IGSF21: variants seen among roughly 807,000 people sequenced by gnomAD.
The protein encoded by IGSF21 is immunoglobin superfamily member 21, also known as immunoglobulin superfamily member 21.
Under a neutral mutation model 46.8 loss-of-function variants are expected in IGSF21, and 28 were observed. That is an observed-to-expected ratio of 0.60 (90% CI 0.44 to 0.82). The LOEUF (loss-of-function observed/expected upper bound fraction) is 0.82, where lower values mean the gene tolerates loss of function less well. IGSF21 is among the 40% of genes least tolerant of loss of function. IGSF21 has a pLI of 0.00. For missense variants in IGSF21, 624 were observed against 665.5 expected, an observed-to-expected ratio of 0.94 and a Z score of 0.69; for synonymous variants, 284 against 273.6, an observed-to-expected ratio of 1.04 and a Z score of -0.38.
chr1:18,167,250 T>C (rs2086688653), intron 1 of IGSF21, among the ~76,000 whole-genome samples: 1 of 151,700 alleles, frequency 6.6e-6, no homozygotes, highest in Non-Finnish European at 1.5e-5. Flanking sequence ...CCCCAAGAAG[T>C]GGGGATTGGT....
chr1:18,367,603 C>CTTTTTTTTTTTTTTTTTTTT lies in IGSF21; in HGVS notation c.1015+1909_1015+1928dup, dbSNP rs35019096. 1.2e-4 allele frequency among the ~76,000 whole-genome samples: 9 copies of CTTTTTTTTTTTTTTTTTTTT among 73,952 alleles called. 2 individuals carry two copies. The highest frequency in any genetic ancestry group is 2.3e-4 in the Non-Finnish European group (9 of 39,568). 48.5% of individuals were successfully genotyped at this position (73,952 alleles called of 152,430 possible). ...GACCTTTGATATTCTCTCTCTCTCT[C>CTTTTTTTTTTTTTTTTTTTT]TTTTTTTTTTTTTTTTTTTTTTGAC... is the stretch of plus-strand genomic sequence containing the variant. On this transcript the variant is annotated intron_variant, in intron 6 of 9. Coordinates refer to ENST00000251296, the MANE Select transcript of IGSF21 (RefSeq NM_032880.5).
At chr1:18,208,767 A>G (rs1476717514) in intron 1 of IGSF21, among the ~76,000 whole-genome samples, 1 of 152,018 alleles carries the variant, frequency 6.6e-6, no homozygotes, top group Non-Finnish European at 1.5e-5. Context: ...AATGTCCTTC[A>G]ATAGTACATG....
chr1:18,320,156 G>A (rs937942756), intron 3 of IGSF21, among the ~76,000 whole-genome samples: 1 of 152,172 alleles, frequency 6.6e-6, no homozygotes, highest in Non-Finnish European at 1.5e-5. Context: ...AGCAGAACAC[G>A]CTAAGATAAA....
At chr1:18,344,517 G>A (rs1458871731) in intron 4 of IGSF21, among the ~76,000 whole-genome samples, 1 of 152,116 alleles carries the variant, frequency 6.6e-6, no homozygotes, top group African/African-American at 2.4e-5. Flanking sequence ...CAAAACAGAA[G>A]TAACACCACT....
At chr1:18,196,943 A>G (rs540291183) in intron 1 of IGSF21, among the ~76,000 whole-genome samples, 26 of 152,244 alleles carry the variant, frequency 1.7e-4, no homozygotes, top group Non-Finnish European at 2.6e-4. Context: ...AGGAAGACGG[A>G]CGAGCTGGCT....
chr1:18,186,249 G>T (rs2086902195), intron 1 of IGSF21, among the ~76,000 whole-genome samples: 1 of 152,176 alleles, frequency 6.6e-6, no homozygotes, highest in African/African-American at 2.4e-5. Flanking sequence ...AGCACAAAGG[G>T]ACAGGGAAAT....
intron 1 of IGSF21, among the ~76,000 whole-genome samples, chr1:18,210,125 T>A (rs1055279107): frequency 6.6e-6 from 1 of 152,162 alleles, no homozygotes; most frequent in African/African-American, 2.4e-5. Flanking sequence ...TAGGCTGATG[T>A]TTCTCTTGCT....
At chr1:18,346,593 C>T (rs1376038334) in intron 4 of IGSF21, among the ~76,000 whole-genome samples, 3 of 152,090 alleles carry the variant, frequency 2.0e-5, no homozygotes, top group Non-Finnish European at 2.9e-5. Context: ...GGAGACACGG[C>T]GGACCTGGCA....
At chr1:18,221,488 C>T (rs564593859) in intron 1 of IGSF21, among the ~76,000 whole-genome samples, 3 of 151,996 alleles carry the variant, frequency 2.0e-5, no homozygotes, top group African/African-American at 4.8e-5. Context: ...TGGGAAAGGG[C>T]GGGGAGTGAT....
intron 1 of IGSF21, among the ~76,000 whole-genome samples, chr1:18,182,567 G>T (rs964255810): frequency 1.3e-5 from 2 of 152,170 alleles, no homozygotes; most frequent in Non-Finnish European, 2.9e-5. Context: ...TCCCAGCACT[G>T]GTTCTTTTCC....
intron 2 of IGSF21, among the ~76,000 whole-genome samples, chr1:18,262,087 G>A (rs1347225874): frequency 3.3e-5 from 5 of 152,162 alleles, no homozygotes; most frequent in East Asian, 1.9e-4. Context: ...GGTCTGGGGC[G>A]GGACTCAAGA....
chr1:18,176,957 A>G (rs1313012740), intron 1 of IGSF21, among the ~76,000 whole-genome samples: 4 of 152,164 alleles, frequency 2.6e-5, no homozygotes, highest in Admixed American at 1.3e-4. Flanking sequence ...AGCGCTTCCT[A>G]TAATTTTTCT....
chr1:18,125,759 G>C (rs2086270036), intron 1 of IGSF21, among the ~76,000 whole-genome samples: 1 of 152,212 alleles, frequency 6.6e-6, no homozygotes, highest in Non-Finnish European at 1.5e-5. Context: ...TACGTGAACA[G>C]ATAACGTAAG....
At chr1:18,156,225 G>A (rs2086567010) in intron 1 of IGSF21, among the ~76,000 whole-genome samples, 1 of 152,180 alleles carries the variant, frequency 6.6e-6, no homozygotes, top group Admixed American at 6.5e-5. Context: ...GGGCTGGCAT[G>A]GAATTCTCCA....
At chr1:18,253,695 C>T (rs1224651581) in intron 2 of IGSF21, among the ~76,000 whole-genome samples, 2 of 152,286 alleles carry the variant, frequency 1.3e-5, no homozygotes, top group East Asian at 3.9e-4. Context: ...AGCATTTTAT[C>T]TGGAAGAGGA....
intron 2 of IGSF21, among the ~76,000 whole-genome samples, chr1:18,250,031 T>C (rs1199102007): frequency 2.0e-5 from 3 of 150,494 alleles, no homozygotes; most frequent in Non-Finnish European, 4.4e-5. Context: ...GGTCTCTGTG[T>C]CTCTGTCTCT....
intron 1 of IGSF21, among the ~76,000 whole-genome samples, chr1:18,198,924 C>T (rs1407237143): frequency 6.6e-6 from 1 of 151,786 alleles, no homozygotes; most frequent in Non-Finnish European, 1.5e-5. Context: ...CCCAGATGCC[C>T]CCCCAAAGCA....
intron 2 of IGSF21, among the ~76,000 whole-genome samples, chr1:18,275,610 C>T (rs1367727565): frequency 6.6e-6 from 1 of 152,180 alleles, no homozygotes; most frequent in Non-Finnish European, 1.5e-5. Flanking sequence ...CCTCACCTCA[C>T]CCAACTATGG....
chr1:18,358,044 A>AGTGT (rs746741553), intron 4 of IGSF21, among the ~76,000 whole-genome samples: 4 of 151,144 alleles, frequency 2.6e-5, no homozygotes, highest in African/African-American at 4.9e-5. Context: ...AGAGAGAGAG[A>AGTGT]GAGTGTGTGT....
Sources: gnomAD v4.1 joint callset for allele counts (sites outside exome capture counted in the v4.1 genomes callset) on GRCh38, gnomAD v4.1.1 for gene constraint, MANE v1.5 for transcripts, NCBI Gene and HGNC (gene_info 2026-07-23, HGNC 2026-07-21) for gene names.